The following HS3ST3A1 variants were observed in gnomAD, a reference collection of about 807,000 sequenced individuals.
HS3ST3A1 encodes the protein heparan sulfate-glucosamine 3-sulfotransferase 3A1.
In HS3ST3A1, 19 loss-of-function variants were observed where a neutral mutation model predicts 25.7. The observed-to-expected ratio is 0.74, with a 90% CI of 0.52 to 1.08. The LOEUF is 1.08. HS3ST3A1 is among the 50% of genes least tolerant of loss of function. The pLI is 0.00. For synonymous variants in HS3ST3A1, 226 were observed against 278.6 expected, an observed-to-expected ratio of 0.81 and a Z score of 1.88; for missense variants, 459 against 594.3, an observed-to-expected ratio of 0.77 and a Z score of 2.37.
intron 1 of HS3ST3A1, among the ~76,000 whole-genome samples, chr17:13,501,245 T>G (rs1422001267): frequency 6.6e-6 from 1 of 150,960 alleles, no homozygotes. Context: ...AATGGTAAAT[T>G]TTATGTTATG....
intron 1 of HS3ST3A1, among the ~76,000 whole-genome samples, chr17:13,519,083 A>G (rs1285186839): frequency 6.6e-6 from 1 of 152,226 alleles, no homozygotes; most frequent in Non-Finnish European, 1.5e-5. Context: ...CCTCTAGGAA[A>G]TGGAATGGGT....
intron 1 of HS3ST3A1, among the ~76,000 whole-genome samples, chr17:13,497,516 T>A (rs1905324393): frequency 6.6e-6 from 1 of 152,236 alleles, no homozygotes; most frequent in Non-Finnish European, 1.5e-5. Context: ...ATGTCCTTGA[T>A]GATTCTGGTC....
At chr17:13,564,516 T>G (rs1907628700) in intron 1 of HS3ST3A1, among the ~76,000 whole-genome samples, 1 of 152,316 alleles carries the variant, frequency 6.6e-6, no homozygotes, top group African/African-American at 2.4e-5. Context: ...TGTATACATT[T>G]AAATCTTCTC....
At chr17:13,516,076 C>T (rs949195564) in intron 1 of HS3ST3A1, among the ~76,000 whole-genome samples, 1 of 151,976 alleles carries the variant, frequency 6.6e-6, no homozygotes, top group African/African-American at 2.4e-5. Flanking sequence ...TTTGGAAGGC[C>T]GAAGCGGGCG....
At chr17:13,584,423 C>CA (rs755207452) in intron 1 of HS3ST3A1, among the ~76,000 whole-genome samples, 1,701 of 100,114 alleles carry the variant, frequency 0.017, 78 homozygotes, top group East Asian at 0.15. Context: ...CTGCAATTTC[C>CA]AAAAAAAAAA....
intron 1 of HS3ST3A1, among the ~76,000 whole-genome samples, chr17:13,552,459 C>T (rs933650926): frequency 6.6e-6 from 1 of 152,130 alleles, no homozygotes; most frequent in East Asian, 1.9e-4. Context: ...GGGCAAAATA[C>T]GATTCCAGTG....
chr17:13,546,959 A>T (rs9941369), intron 1 of HS3ST3A1, among the ~76,000 whole-genome samples: 2,885 of 152,324 alleles, frequency 0.019, 98 homozygotes, highest in African/African-American at 0.066. Context: ...AAAACTTCAT[A>T]TGGTATGCAA....
chr17:13,556,573 G>T (rs12940735), intron 1 of HS3ST3A1, among the ~76,000 whole-genome samples: 2 of 139,080 alleles, frequency 1.4e-5, no homozygotes, highest in Non-Finnish European at 3.2e-5. Context: ...GCAAGGTGAG[G>T]CCGGTCATGG....
intron 1 of HS3ST3A1, among the ~76,000 whole-genome samples, chr17:13,576,365 A>T (rs956591268): frequency 6.6e-6 from 1 of 152,214 alleles, no homozygotes; most frequent in African/African-American, 2.4e-5. Context: ...CTGTTGGAAG[A>T]CTTCAGGTCC....
intron 1 of HS3ST3A1, among the ~76,000 whole-genome samples, chr17:13,532,644 C>T (rs1906637970): frequency 1.3e-5 from 2 of 151,980 alleles, no homozygotes. Context: ...GAGAGTCGCT[C>T]TTAAATATCT....
chr17:13,499,943 T>G (rs1905412632), intron 1 of HS3ST3A1, among the ~76,000 whole-genome samples: 1 of 152,206 alleles, frequency 6.6e-6, no homozygotes, highest in Non-Finnish European at 1.5e-5. Flanking sequence ...ATAGTCTAAA[T>G]AAATCCTAAT....
At chr17:13,572,172 T>A (rs1454248413) in intron 1 of HS3ST3A1, among the ~76,000 whole-genome samples, 2 of 152,210 alleles carry the variant, frequency 1.3e-5, no homozygotes, top group Admixed American at 1.3e-4. Context: ...CCTTACCATG[T>A]CCTTTTTACG....
chr17:13,593,148 A>G (rs2054240397), intron 1 of HS3ST3A1, among the ~76,000 whole-genome samples: 1 of 151,604 alleles, frequency 6.6e-6, no homozygotes, highest in Admixed American at 6.6e-5. Flanking sequence ...TCTTTGCCAT[A>G]AGGTGCATCC....
chr17:13,579,557 C>T (rs1908044942), intron 1 of HS3ST3A1, among the ~76,000 whole-genome samples: 1 of 151,588 alleles, frequency 6.6e-6, no homozygotes. Flanking sequence ...CAAAAACTAG[C>T]TGGGCAGGTG....
intron 1 of HS3ST3A1, among the ~76,000 whole-genome samples, chr17:13,516,127 G>A (rs1020400453): frequency 2.0e-5 from 3 of 152,034 alleles, no homozygotes; most frequent in African/African-American, 4.8e-5. Context: ...TGGCCAACAT[G>A]GAGAAAGCCC....
chr17:13,557,121 C>T (rs912636766), intron 1 of HS3ST3A1, among the ~76,000 whole-genome samples: 1 of 152,132 alleles, frequency 6.6e-6, no homozygotes, highest in African/African-American at 2.4e-5. Flanking sequence ...AACATCTAGC[C>T]CAGCAGATTC....
chr17:13,601,247 C>CCCTGTGG lies in HS3ST3A1; in HGVS notation c.-125_-119dup. The CCCTGTGG allele has an allele frequency of 1.3e-6, 1 of 748,700 alleles. No homozygotes were observed. The highest frequency in any genetic ancestry group is 2.2e-5 in the South Asian group (1 of 46,252). The allele number at this position is 748,700 out of a possible 1,614,324, so 46.4% of individuals were successfully genotyped here. On this transcript the variant is annotated 5_prime_UTR_variant, in exon 1 of 2. Coordinates refer to ENST00000284110, the MANE Select transcript of HS3ST3A1 (RefSeq NM_006042.3). Reference sequence around the variant, plus strand: ...GGACGGAGGCCACATCGCCGTGCGCCCCTGTGGCCGTGCGAACTGTCCCGG... The same window carrying CCCTGTGG: ...GGACGGAGGCCACATCGCCGTGCGCCCCTGTGGCCTGTGGCCGTGCGAACTGTCCCGG...
chr17:13,590,314 G>A (rs1567631679), intron 1 of HS3ST3A1, among the ~76,000 whole-genome samples: 1 of 113,558 alleles, frequency 8.8e-6, no homozygotes, highest in Non-Finnish European at 1.8e-5. Flanking sequence ...TAATTTAATA[G>A]CTCTGTGAGG....
chr17:13,501,085 T>C (rs1905458663), intron 1 of HS3ST3A1, among the ~76,000 whole-genome samples: 1 of 152,168 alleles, frequency 6.6e-6, no homozygotes, highest in South Asian at 2.1e-4. Flanking sequence ...GCAAGTAGAA[T>C]GGTGGTTTCC....
Sources: gnomAD v4.1 joint callset for allele counts (sites outside exome capture counted in the v4.1 genomes callset) on GRCh38, gnomAD v4.1.1 for gene constraint, MANE v1.5 for transcripts, NCBI Gene and HGNC (gene_info 2026-07-23, HGNC 2026-07-21) for gene names.